Variants in CSPP1 observed in about 807,000 individuals in gnomAD.
CSPP1 encodes the protein centrosome and spindle pole associated protein 1, also known as centrosome and spindle pole-associated protein 1.
A neutral mutation model predicts 164.4 loss-of-function variants in CSPP1; 126 were observed. The observed-to-expected ratio is 0.77, with a 90% confidence interval of 0.66 to 0.89. CSPP1 has a LOEUF of 0.89. Ranked by LOEUF, CSPP1 falls within the 40% of genes least tolerant of loss-of-function variation. CSPP1 has a pLI of 0.00. For missense variants in CSPP1, 1,395 were observed against 1,449.8 expected, an observed-to-expected ratio of 0.96 and a Z score of 0.61; for synonymous variants, 472 against 476.7, an observed-to-expected ratio of 0.99 and a Z score of 0.13.
chr8:67,147,282 T>C (rs888807777), intron 17 of CSPP1, among the ~76,000 whole-genome samples: 1 of 152,208 alleles, frequency 6.6e-6, no homozygotes, highest in Non-Finnish European at 1.5e-5. Flanking sequence ...ATTTCAAGAA[T>C]ATCTATCTGC....
At chr8:67,066,876 CT>C (rs1213035852) in intron 1 of CSPP1, among the ~76,000 whole-genome samples, 1 of 151,072 alleles carries the variant, frequency 6.6e-6, no homozygotes, top group Admixed American at 6.6e-5. Flanking sequence ...GCAACCTCTG[CT>C]TCCCATTTTC....
At chr8:67,157,084 G>A (rs188636465) in intron 19 of CSPP1, among the ~76,000 whole-genome samples, 1 of 152,162 alleles carries the variant, frequency 6.6e-6, no homozygotes, top group East Asian at 1.9e-4. Context: ...CCATGGAGTA[G>A]GAAGAAGGGG....
intron 17 of CSPP1, among the ~76,000 whole-genome samples, chr8:67,141,590 C>T (rs140502835): frequency 7.1e-4 from 108 of 152,294 alleles, no homozygotes; most frequent in Admixed American, 1.6e-3. Context: ...GATGCAATCT[C>T]AGTTCACTGC....
chr8:67,074,290 A>G lies in CSPP1; in HGVS notation c.38A>G (p.Lys13Arg), dbSNP rs1405602155. The change falls in exon 2 of 31, where the codon AAA becomes AGA. Residue 13 changes from lysine (K) to arginine (R), a missense_variant. Physicochemically the swap from Lys to Arg is conservative, Grantham distance 26 (BLOSUM62 2). Transcript: ENST00000678616. The stretch of plus-strand genomic sequence containing the variant: ...TTGGATGAATTTATTGAAGAGCAAA[A>G]AGCCAGATTGGCCGAAGACAAAGCA... ...DNLDEFIEEQ[K>R]ARLAEDKAEL... is the part of the protein sequence containing the mutation. 2 of 1,611,722 alleles carry G rather than the reference A, an allele frequency of 1.2e-6. No homozygotes were observed. The highest frequency in any genetic ancestry group is 1.7e-6 in the Non-Finnish European group (2 of 1,179,000).
chr8:67,164,552 A>C, intron 24 of CSPP1, 44 bp downstream of exon 24: 2 of 883,140 alleles, frequency 2.3e-6, no homozygotes, highest in Non-Finnish European at 3.8e-6. Context: ...GAGTTCTTTT[A>C]TCTTACTTCA....
At chr8:67,168,590 A>G (rs1458759800) in intron 24 of CSPP1, among the ~76,000 whole-genome samples, 1 of 152,196 alleles carries the variant, frequency 6.6e-6, no homozygotes, top group African/African-American at 2.4e-5. Context: ...GTTATAAAAC[A>G]TGTTACATTT....
intron 5 of CSPP1, among the ~76,000 whole-genome samples, chr8:67,092,929 G>A (rs1648555230): frequency 6.6e-6 from 1 of 151,930 alleles, no homozygotes; most frequent in South Asian, 2.1e-4. Context: ...ACCTTGGAAA[G>A]CAAATGGTTA....
intron 6 of CSPP1, among the ~76,000 whole-genome samples, chr8:67,094,951 G>A (rs1286019713): frequency 4.6e-5 from 7 of 152,098 alleles, no homozygotes; most frequent in African/African-American, 1.7e-4. Flanking sequence ...TGGAGATATG[G>A]CTTCTTTCAC....
At chr8:67,088,896 C>CAAA (rs775095024) in intron 4 of CSPP1, among the ~76,000 whole-genome samples, 12 of 97,644 alleles carry the variant, frequency 1.2e-4, no homozygotes, top group African/African-American at 3.9e-4. Context: ...GAATCCGTCT[C>CAAA]AAAAAAAAAA....
chr8:67,177,866 G>A, intron 27 of CSPP1, 140 bp downstream of exon 27: 2 of 708,018 alleles, frequency 2.8e-6, no homozygotes, highest in South Asian at 3.4e-5. Context: ...AAAGTGGATA[G>A]CTTGAGAAGT....
intron 10 of CSPP1, 63 bp from the exon 11 acceptor site, chr8:67,113,742 A>G: frequency 2.4e-6 from 2 of 826,746 alleles, no homozygotes; most frequent in Non-Finnish European, 3.9e-6. Context: ...TCTTTCAGTG[A>G]TGATTTATAA....
intron 27 of CSPP1, among the ~76,000 whole-genome samples, chr8:67,178,506 T>C (rs534433101): frequency 2.6e-5 from 4 of 152,272 alleles, no homozygotes; most frequent in Middle Eastern, 3.4e-3. Flanking sequence ...GAGACAGTAA[T>C]CAAATAAATC....
At chr8:67,144,804 C>T (rs984297432) in intron 17 of CSPP1, among the ~76,000 whole-genome samples, 1 of 151,848 alleles carries the variant, frequency 6.6e-6, no homozygotes, top group Non-Finnish European at 1.5e-5. Flanking sequence ...TGTGGCGGCT[C>T]ACGCCTGTAA....
intron 16 of CSPP1, among the ~76,000 whole-genome samples, chr8:67,136,485 C>A (rs1331407885): frequency 1.4e-5 from 2 of 140,190 alleles, no homozygotes; most frequent in Non-Finnish European, 3.0e-5. Flanking sequence ...AGGAGAATGG[C>A]GTGAACCCGG....
intron 17 of CSPP1, among the ~76,000 whole-genome samples, chr8:67,143,489 G>T (rs1339844317): frequency 6.6e-6 from 1 of 151,784 alleles, no homozygotes; most frequent in Non-Finnish European, 1.5e-5. Flanking sequence ...TTTTCATTGG[G>T]ATTCCATTAA....
At chr8:67,070,808 C>T (rs1460443281) in intron 1 of CSPP1, among the ~76,000 whole-genome samples, 1 of 151,202 alleles carries the variant, frequency 6.6e-6, no homozygotes, top group Non-Finnish European at 1.5e-5. Context: ...AGTACAGTGG[C>T]ATGCTCATAA....
At chr8:67,134,706 C>G (rs1353426125) in intron 16 of CSPP1, among the ~76,000 whole-genome samples, 1 of 151,868 alleles carries the variant, frequency 6.6e-6, no homozygotes, top group Non-Finnish European at 1.5e-5. Flanking sequence ...ACTATAGGCG[C>G]CTGCCACCAT....
rs771943937 is a variant in CSPP1 at position 67,095,566 on chromosome 8, G to T, written c.757G>T (p.Ala253Ser). ...AAAACATCAAAGGTTTGCAAGCAAGGCTGGCATTCCAGATAGAAGATTTCA... is the reference window on the plus strand; with the variant it reads ...AAAACATCAAAGGTTTGCAAGCAAGTCTGGCATTCCAGATAGAAGATTTCA... Reference protein sequence around the residue: ...NLKHQRFASKAGIPDRRFHRF... With the variant: ...NLKHQRFASKSGIPDRRFHRF... Residue 253 changes from alanine (A) to serine (S), a missense_variant, in exon 7 of 31, where the codon GCT becomes TCT. Physicochemically the swap from Ala to Ser is moderately conservative, Grantham distance 99. Transcript: ENST00000678616. 1.9e-6 allele frequency: 3 copies of T among 1,613,782 alleles called. No individual in the cohort carries two copies. The highest frequency in any genetic ancestry group is 2.2e-5 in the East Asian group (1 of 44,860).
rs750751258 is a variant in CSPP1 at position 67,164,471 on chromosome 8, T to C, written c.2791T>C (p.Leu931=). ...TGAAGAGAGGCGTCTACAAGAGCGA[T>C]TGCTACACATGGACAGTGATGATGA... ...RSEERRLQER[L]LHMDSDDEIP... Residue 931 remains leucine (L), a synonymous_variant, in exon 24 of 31, where the codon TTG becomes CTG. Transcript: ENST00000678616. The C allele has an allele frequency of 2.9e-5, 46 of 1,593,868 alleles. No individual in the cohort carries two copies. The highest frequency in any genetic ancestry group is 3.9e-5 in the Non-Finnish European group (45 of 1,161,842).
Sources: gnomAD v4.1 joint callset for allele counts (sites outside exome capture counted in the v4.1 genomes callset) on GRCh38, gnomAD v4.1.1 for gene constraint, MANE v1.5 for transcripts, NCBI Gene and HGNC (gene_info 2026-07-23, HGNC 2026-07-21) for gene names.